Variants in ERBB4 observed in about 807,000 individuals in gnomAD.
ERBB4 encodes the protein erb-b2 receptor tyrosine kinase 4.
ERBB4 carries 42 observed loss-of-function variants against 158.0 expected under a neutral mutation model. That is an observed-to-expected ratio of 0.27 (90% confidence interval 0.21 to 0.34). ERBB4 has a LOEUF of 0.34. ERBB4 is among the 10% of genes least tolerant of loss of function. The pLI, the probability that ERBB4 is intolerant of heterozygous loss-of-function variation, is 1.00. For synonymous variants in ERBB4, 583 were observed against 558.7 expected, an observed-to-expected ratio of 1.04 and a Z score of -0.61; for missense variants, 1,333 against 1,624.1, an observed-to-expected ratio of 0.82 and a Z score of 3.08.
intron 25 of ERBB4, among the ~76,000 whole-genome samples, chr2:211,394,269 G>A (rs759413195): frequency 6.6e-6 from 1 of 152,158 alleles, no homozygotes; most frequent in Non-Finnish European, 1.5e-5. Context: ...ACATTGCTTA[G>A]CTTCATTCAA....
chr2:212,285,840 A>C (rs13025446), intron 1 of ERBB4, among the ~76,000 whole-genome samples: 12,037 of 152,220 alleles, frequency 0.079, 609 homozygotes, highest in South Asian at 0.17. Flanking sequence ...TAGACTCTCT[A>C]ATATTCAGGC....
At chr2:212,168,666 G>T (rs1205014902) in intron 1 of ERBB4, among the ~76,000 whole-genome samples, 2 of 152,120 alleles carry the variant, frequency 1.3e-5, no homozygotes, top group Non-Finnish European at 2.9e-5. Context: ...ATCCCAGAAG[G>T]CTTCATGTAG....
At chr2:212,016,625 GA>G (rs1318168020) in intron 2 of ERBB4, among the ~76,000 whole-genome samples, 1 of 152,100 alleles carries the variant, frequency 6.6e-6, no homozygotes, top group African/African-American at 2.4e-5. Flanking sequence ...TTGTGGAGGA[GA>G]GGGGTGGACA....
chr2:211,921,720 C>T (rs2079862626), intron 3 of ERBB4, among the ~76,000 whole-genome samples: 1 of 151,992 alleles, frequency 6.6e-6, no homozygotes, highest in South Asian at 2.1e-4. Context: ...GGAAAGCCCT[C>T]TGGAGTCACG....
At chr2:212,191,638 C>T (rs36145655) in intron 1 of ERBB4, among the ~76,000 whole-genome samples, 3,946 of 79,144 alleles carry the variant, frequency 0.05, 461 homozygotes, top group Non-Finnish European at 0.069. Flanking sequence ...GTTATGCATG[C>T]TATATATAAC....
chr2:212,538,102 G>A (rs895811746), intron 1 of ERBB4, among the ~76,000 whole-genome samples: 1 of 152,182 alleles, frequency 6.6e-6, no homozygotes, highest in African/African-American at 2.4e-5. Context: ...GACAGGGACA[G>A]AAGAGTCTCC....
chr2:211,689,672 G>A (rs899837975), intron 12 of ERBB4, among the ~76,000 whole-genome samples: 1 of 152,090 alleles, frequency 6.6e-6, no homozygotes, highest in Non-Finnish European at 1.5e-5. Flanking sequence ...AAGTAGCAAA[G>A]ATCAATTATA....
intron 26 of ERBB4, 67 bp downstream of exon 26, chr2:211,387,878 A>G: frequency 8.3e-7 from 1 of 1,210,996 alleles, no homozygotes. Context: ...TGCAGAGACG[A>G]GAGAGGAAAC....
At position 212,266,050 on chromosome 2, in the gene ERBB4, T is replaced by C. The variant is rs185374920; in HGVS notation, c.83-141147A>G. On this transcript the variant is annotated intron_variant, in intron 1 of 27. Coordinates refer to ENST00000342788, the MANE Select transcript of ERBB4 (RefSeq NM_005235.3). ...CTCCAATACCCTTTAAGAGAACCCT[T>C]CAAAAATAATCATATCACAGTTTGA... is the stretch of plus-strand genomic sequence containing the variant. 3.9e-4 allele frequency among the ~76,000 whole-genome samples: 60 copies of C among 152,022 alleles called. 1 individual carries two copies. In the East Asian group the frequency reaches 0.011, roughly 28 times the overall value.
intron 1 of ERBB4, among the ~76,000 whole-genome samples, chr2:212,416,783 G>A (rs2091664667): frequency 6.6e-6 from 1 of 151,958 alleles, no homozygotes; most frequent in African/African-American, 2.4e-5. Flanking sequence ...CAGTAACAAT[G>A]ACACCTTTAT....
intron 1 of ERBB4, among the ~76,000 whole-genome samples, chr2:212,264,174 A>G (rs2085046839): frequency 6.6e-6 from 1 of 152,150 alleles, no homozygotes; most frequent in Non-Finnish European, 1.5e-5. Flanking sequence ...CAAGCAATCC[A>G]TGTGAGAATA....
At chr2:211,728,724 A>G (rs2074347537) in intron 5 of ERBB4, among the ~76,000 whole-genome samples, 2 of 151,880 alleles carry the variant, frequency 1.3e-5, no homozygotes, top group African/African-American at 4.8e-5. Context: ...AATAGCATGG[A>G]GTCAACAATC....
Position 212,076,245 on chromosome 2 carries a change from C to T in ERBB4, c.234+48507G>A, listed in dbSNP as rs552335027. Reference sequence around the variant, plus strand: ...CATTATTTTAAAATATTCTATATTTCGGACTTTAATTACTTCAACTTTTTA... The same window carrying T: ...CATTATTTTAAAATATTCTATATTTTGGACTTTAATTACTTCAACTTTTTA... On this transcript the variant is annotated intron_variant, in intron 2 of 27. Coordinates refer to ENST00000342788, the MANE Select transcript of ERBB4 (RefSeq NM_005235.3). Among the ~76,000 whole-genome samples, 45 of 151,852 alleles carry T rather than the reference C, an allele frequency of 3.0e-4. No individual in the cohort carries two copies. The South Asian group carries it at 5.8e-3, about 20-fold the overall frequency.
At chr2:212,504,924 AC>A (rs1346682325) in intron 1 of ERBB4, among the ~76,000 whole-genome samples, 1 of 152,218 alleles carries the variant, frequency 6.6e-6, no homozygotes, top group African/African-American at 2.4e-5. Context: ...AATTAAAAAA[AC>A]TGAAAAATAT....
chr2:211,641,924 T>C lies in ERBB4; in HGVS notation c.1947-11330A>G, dbSNP rs567566897. ...TATAAGCCCCATGAGGTTAGGACCA[T>C]CATTTCTAATTTTTTTTTTTGTTTT... is the stretch of plus-strand genomic sequence containing the variant. On this transcript the variant is annotated intron_variant, in intron 16 of 27. Coordinates refer to ENST00000342788, the MANE Select transcript of ERBB4 (RefSeq NM_005235.3). Among the ~76,000 whole-genome samples, 27 of 50,522 alleles carry C rather than the reference T, an allele frequency of 5.3e-4. No homozygotes were observed. In the South Asian group the frequency reaches 0.031, roughly 58 times the overall value. The allele number at this position is 50,522 out of a possible 152,430, so 33.1% of individuals were successfully genotyped here. A position where few individuals can be genotyped will look rare whatever the true frequency, so the allele number is the denominator to read the frequency against.
chr2:212,079,332 A>G (rs889886206), intron 2 of ERBB4, among the ~76,000 whole-genome samples: 2 of 151,972 alleles, frequency 1.3e-5, no homozygotes, highest in Non-Finnish European at 2.9e-5. Context: ...CTATTGCTTC[A>G]TTAATACAAT....
rs539959668 is a variant in ERBB4 at position 212,474,822 on chromosome 2, C to CTTTTTTTTTTTTTTTTTTTTTTTTTT, written c.82+63626_82+63627insAAAAAAAAAAAAAAAAAAAAAAAAAA. 4.3e-4 allele frequency among the ~76,000 whole-genome samples: 41 copies of CTTTTTTTTTTTTTTTTTTTTTTTTTT among 94,414 alleles called. 3 individuals carry two copies. The highest frequency in any genetic ancestry group is 1.3e-3 in the African/African-American group (22 of 16,430). The allele number at this position is 94,414 out of a possible 152,430, so 61.9% of individuals were successfully genotyped here. ...CACCATTTCCTGACACCCGGCCATT[C>CTTTTTTTTTTTTTTTTTTTTTTTTTT]TTTTTTTTTTTTTTTTTTGTCAAGA... On this transcript the variant is annotated intron_variant, in intron 1 of 27. Transcript: ENST00000342788.
Position 211,679,169 on chromosome 2 carries a change from A to C in ERBB4, c.1505T>G (p.Val502Gly). 2 of 1,613,776 alleles carry C rather than the reference A, an allele frequency of 1.2e-6. No homozygotes were observed. Among genetic ancestry groups the C allele is most frequent in the Non-Finnish European group, 1.7e-6 (2 of 1,179,860 alleles). Residue 502 changes from valine to glycine, a missense_variant, in exon 13 of 28, where the codon GTG (valine) becomes GGG (glycine). Coordinates refer to ENST00000342788, the MANE Select transcript of ERBB4 (RefSeq NM_005235.3). The stretch of plus-strand genomic sequence containing the variant: ...ATCACTGGAACACAGATGGTTGCAC[A>C]CCATTCCTTCAGCAGCTGTGAAACA... ...KAENCTAEGM[V>G]CNHLCSSDGC...
chr2:212,477,412 A>G (rs1326569312), intron 1 of ERBB4, among the ~76,000 whole-genome samples: 4 of 152,148 alleles, frequency 2.6e-5, no homozygotes, highest in African/African-American at 9.6e-5. Context: ...AAAAGTAGAC[A>G]TGGACGATAA....
Sources: gnomAD v4.1 joint callset for allele counts (sites outside exome capture counted in the v4.1 genomes callset) on GRCh38, gnomAD v4.1.1 for gene constraint, MANE v1.5 for transcripts, NCBI Gene and HGNC (gene_info 2026-07-23, HGNC 2026-07-21) for gene names.